CLYBL: variants seen among roughly 807,000 people sequenced by gnomAD.
CLYBL encodes the protein citramalyl-CoA lyase, mitochondrial.
CLYBL carries 31 observed loss-of-function variants against 38.9 expected under a neutral mutation model. The ratio of observed to expected loss-of-function variants is 0.80; its 90% CI spans 0.60 to 1.08. The LOEUF (loss-of-function observed/expected upper bound fraction) is 1.08, where lower values mean the gene tolerates loss of function less well. CLYBL is among the 50% of genes least tolerant of loss of function. CLYBL has a pLI of 0.00. For synonymous variants in CLYBL, 171 were observed against 158.6 expected (o/e 1.08, Z -0.59); for missense variants, 434 against 411.6 (o/e 1.05, Z -0.47).
intron 1 of CLYBL, among the ~76,000 whole-genome samples, chr13:99,747,551 C>T (rs940306732): frequency 2.6e-5 from 4 of 152,126 alleles, no homozygotes; most frequent in Admixed American, 6.5e-5. Flanking sequence ...TGAACCCACA[C>T]GGGAGACAAA....
rs1205764233 is a variant in CLYBL, at chr13:99,765,794, C to A, written c.63-7030C>A. 2.6e-5 allele frequency among the ~76,000 whole-genome samples: 4 copies of A among 151,762 alleles called. No homozygotes were observed. The East Asian group carries it at 7.8e-4, about 29-fold the overall frequency. Reference sequence around the variant, plus strand: ...TCCTGGGTTCAAGCAATCCACCCGCCTTGGCCTTCCAAAGTACGGGGATTA... The same window carrying A: ...TCCTGGGTTCAAGCAATCCACCCGCATTGGCCTTCCAAAGTACGGGGATTA... On this transcript the variant is annotated intron_variant, in intron 1 of 8. Transcript: ENST00000339105.
chr13:99,748,732 C>T (rs2048902532), intron 1 of CLYBL, among the ~76,000 whole-genome samples: 1 of 151,958 alleles, frequency 6.6e-6, no homozygotes, highest in African/African-American at 2.4e-5. Flanking sequence ...AGCCACCGCG[C>T]ACGGCCTCTA....
intron 1 of CLYBL, among the ~76,000 whole-genome samples, chr13:99,705,079 A>G (rs2048125770): frequency 6.6e-6 from 1 of 152,232 alleles, no homozygotes; most frequent in Admixed American, 6.5e-5. Context: ...TTTTACTTCC[A>G]AGCATATACC....
In CLYBL at chr13:99,663,066, G is replaced by A. The variant is rs181098735; in HGVS notation, c.62+56309G>A. On this transcript the variant is annotated intron_variant, in intron 1 of 8. Coordinates refer to ENST00000339105, the MANE Select transcript of CLYBL (RefSeq NM_206808.5). ...GAATGAGATGCAGTTAATGAATTGT[G>A]GCTTTGAAATATGATCATTTGCCAA... Among the ~76,000 whole-genome samples the A allele has an allele frequency of 2.6e-5, 4 of 152,282 alleles. No individual in the cohort carries two copies. The East Asian group carries it at 7.7e-4, about 29-fold the overall frequency.
chr13:99,609,843 A>G lies in CLYBL; in HGVS notation c.62+3086A>G, dbSNP rs151120391. Among the ~76,000 whole-genome samples, 29 of 152,210 alleles carry G rather than the reference A, an allele frequency of 1.9e-4. No homozygotes were observed. In the East Asian group the frequency reaches 4.1e-3, roughly 21 times the overall value. On this transcript the variant is annotated intron_variant, in intron 1 of 8. Coordinates refer to ENST00000339105, the MANE Select transcript of CLYBL (RefSeq NM_206808.5). ...GAGCCATCATGCCCGGCCCTTTTCT[A>G]TACTTTCTATCTCTTCATTGATATT... is the stretch of plus-strand genomic sequence containing the variant.
chr13:99,717,334 G>A (rs1050686515), intron 1 of CLYBL, among the ~76,000 whole-genome samples: 11 of 149,234 alleles, frequency 7.4e-5, no homozygotes, highest in African/African-American at 2.5e-4. Flanking sequence ...GCTGAGGCAG[G>A]AGAATTGCTA....
At chr13:99,901,880 G>A (rs1291017581), downstream of CLYBL, among the ~76,000 whole-genome samples, 1 of 152,010 alleles carries the variant, frequency 6.6e-6, no homozygotes, top group Admixed American at 6.6e-5. Context: ...GGCTGGTCTC[G>A]AATTCCTGAC....
At chr13:99,643,814 T>C (rs1022925201) in intron 1 of CLYBL, among the ~76,000 whole-genome samples, 4 of 152,078 alleles carry the variant, frequency 2.6e-5, no homozygotes, top group Non-Finnish European at 5.9e-5. Context: ...CAGACCAGCC[T>C]GACCAACATG....
chr13:99,622,481 C>A (rs1304247633), intron 1 of CLYBL, among the ~76,000 whole-genome samples: 1 of 152,136 alleles, frequency 6.6e-6, no homozygotes, highest in Non-Finnish European at 1.5e-5. Context: ...TGGATCTGTC[C>A]TTTTCTTTTT....
intron 1 of CLYBL, among the ~76,000 whole-genome samples, chr13:99,642,455 C>T (rs1399398929): frequency 6.6e-6 from 1 of 152,074 alleles, no homozygotes; most frequent in East Asian, 1.9e-4. Flanking sequence ...TGCCCTGTTG[C>T]CCAGGCTGGA....
At chr13:99,709,845 G>A (rs987510779) in intron 1 of CLYBL, among the ~76,000 whole-genome samples, 7 of 151,468 alleles carry the variant, frequency 4.6e-5, no homozygotes, top group Admixed American at 2.0e-4. Context: ...CAGTAGGAAA[G>A]AGCCTGTTGG....
At chr13:99,779,613 G>A (rs1260410723) in intron 2 of CLYBL, among the ~76,000 whole-genome samples, 1 of 152,154 alleles carries the variant, frequency 6.6e-6, no homozygotes, top group African/African-American at 2.4e-5. Context: ...TTAAATGCTG[G>A]TTGGGTGACA....
exon 9 of CLYBL, among the ~76,000 whole-genome samples, chr13:99,905,351 G>A (rs776102026): frequency 2.0e-5 from 3 of 152,184 alleles, no homozygotes; most frequent in Non-Finnish European, 2.9e-5. Flanking sequence ...TGTCAAATCC[G>A]TCCATTGATC....
chr13:99,690,059 C>T (rs2047877037), intron 1 of CLYBL: 1 of 152,208 alleles, frequency 6.6e-6, no homozygotes, highest in Non-Finnish European at 1.5e-5. Context: ...TAAATGCTAT[C>T]CACATTGTTT....
intron 1 of CLYBL, among the ~76,000 whole-genome samples, chr13:99,678,221 C>T (rs571816043): frequency 1.3e-5 from 2 of 152,278 alleles, no homozygotes; most frequent in Admixed American, 1.3e-4. Flanking sequence ...TTCAGAAGGT[C>T]TGCTCTAACA....
At chr13:99,697,405 C>T (rs1451024809) in intron 1 of CLYBL, among the ~76,000 whole-genome samples, 2 of 152,166 alleles carry the variant, frequency 1.3e-5, no homozygotes, top group South Asian at 2.1e-4. Flanking sequence ...GAGACAAGGT[C>T]GCTGTCTGTC....
intron 2 of CLYBL, among the ~76,000 whole-genome samples, chr13:99,794,994 A>G (rs1381400011): frequency 1.3e-5 from 2 of 152,196 alleles, no homozygotes; most frequent in Admixed American, 6.5e-5. Context: ...TACTTTTGCC[A>G]TGTATTTTTA....
Position 99,799,996 on chromosome 13 carries a change from C to T in CLYBL, c.249+26986C>T, listed in dbSNP as rs76907954. Reference sequence around the variant, plus strand: ...GCTGGAAATGCCATGATTAGGGATCCTGTTGGGATTCTTTTATTTTAAGGC... The same window carrying T: ...GCTGGAAATGCCATGATTAGGGATCTTGTTGGGATTCTTTTATTTTAAGGC... On this transcript the variant is annotated intron_variant, in intron 2 of 8. Coordinates refer to ENST00000339105, the MANE Select transcript of CLYBL (RefSeq NM_206808.5). Among the ~76,000 whole-genome samples the T allele has an allele frequency of 2.7e-3, 417 of 152,350 alleles. 4 individuals carry two copies. The highest frequency in any genetic ancestry group is 9.7e-3 in the African/African-American group (402 of 41,586).
At chr13:99,709,187 A>G (rs1038363252) in intron 1 of CLYBL, among the ~76,000 whole-genome samples, 1 of 152,166 alleles carries the variant, frequency 6.6e-6, no homozygotes, top group Non-Finnish European at 1.5e-5. Flanking sequence ...GCACAGAGAT[A>G]GACATGCATA....
Sources: gnomAD v4.1 joint callset for allele counts (sites outside exome capture counted in the v4.1 genomes callset) on GRCh38, gnomAD v4.1.1 for gene constraint, MANE v1.5 for transcripts, NCBI Gene and HGNC (gene_info 2026-07-23, HGNC 2026-07-21) for gene names.